Variants in SSBP3 observed in about 807,000 individuals in gnomAD.
SSBP3 encodes the protein single stranded DNA binding protein 3, also known as single-stranded DNA-binding protein 3.
Under a neutral mutation model 69.6 loss-of-function variants are expected in SSBP3, and 5 were observed. The observed-to-expected ratio is 0.07, with a 90% CI of 0.04 to 0.15. SSBP3 has a LOEUF of 0.15. Ranked by LOEUF, SSBP3 falls within the 10% of genes least tolerant of loss-of-function variation. SSBP3 has a pLI of 1.00. For missense variants in SSBP3, 312 were observed against 534.0 expected, an observed-to-expected ratio of 0.58 and a Z score of 4.10; for synonymous variants, 196 against 193.4, an observed-to-expected ratio of 1.01 and a Z score of -0.11.
intron 13 of SSBP3, among the ~76,000 whole-genome samples, chr1:54,240,700 C>A (rs910734576): frequency 1.1e-4 from 16 of 152,082 alleles, no homozygotes; most frequent in African/African-American, 3.6e-4. Context: ...TCTGCTCAGC[C>A]CTGTCCTTTA....
chr1:54,299,401 TA>T (rs879574178), intron 4 of SSBP3, among the ~76,000 whole-genome samples: 3 of 151,936 alleles, frequency 2.0e-5, no homozygotes, highest in Non-Finnish European at 2.9e-5. Flanking sequence ...CCATTTTCAC[TA>T]AAGGGGAAAC....
At chr1:54,273,333 T>TGCGTGCACACAGGCAC (rs1553129211) in intron 5 of SSBP3, among the ~76,000 whole-genome samples, 1 of 152,160 alleles carries the variant, frequency 6.6e-6, no homozygotes, top group African/African-American at 2.4e-5. Flanking sequence ...CACACAGGCA[T>TGCGTGCACACAGGCAC]GCGTGCACAC....
At chr1:54,228,282 G>A (rs1409822313) in exon 17 of SSBP3, 2 of 1,614,020 alleles carry the variant, frequency 1.2e-6, no homozygotes, top group East Asian at 2.2e-5. Flanking sequence ...AGTGGAGGAA[G>A]TTCCCTCCTA....
intron 4 of SSBP3, among the ~76,000 whole-genome samples, chr1:54,389,561 A>G (rs1648336429): frequency 1.3e-5 from 2 of 152,126 alleles, no homozygotes; most frequent in African/African-American, 4.8e-5. Flanking sequence ...ATGAGACAGA[A>G]AAGATGCCAA....
intron 13 of SSBP3, among the ~76,000 whole-genome samples, chr1:54,239,740 G>A (rs572733347): frequency 1.3e-5 from 2 of 152,348 alleles, no homozygotes; most frequent in South Asian, 2.1e-4. Context: ...AAATGCAGCA[G>A]CAGAAAGAGA....
At position 54,258,478 on chromosome 1, in the gene SSBP3, G is replaced by A. The variant is rs1204722464; in HGVS notation, c.367-329C>T. On this transcript the variant is annotated intron_variant, in intron 5 of 17. Transcript: ENST00000610401. This position sits in a 1 kb window ranked among gnomAD's most constrained non-coding sequence, Gnocchi z 4.5. ...GGAGTTTGCCATGTTAAATACGTTGGTTGAGACGGGCTCAGAGGGAGTACA... is the reference window on the plus strand; with the variant it reads ...GGAGTTTGCCATGTTAAATACGTTGATTGAGACGGGCTCAGAGGGAGTACA... Among the ~76,000 whole-genome samples, 2 of 152,218 alleles carry A rather than the reference G, an allele frequency of 1.3e-5. No homozygotes were observed. Among genetic ancestry groups the A allele is most frequent in the African/African-American group, 4.8e-5 (2 of 41,454 alleles).
chr1:54,334,314 T>C (rs1453316717), intron 4 of SSBP3, among the ~76,000 whole-genome samples: 2 of 152,042 alleles, frequency 1.3e-5, no homozygotes, highest in Non-Finnish European at 2.9e-5. Flanking sequence ...ATTGGGCCAC[T>C]GCACTCCAGC....
At chr1:54,225,515 CCTCT>C (rs1230672148) in exon 18 of SSBP3, 11 of 1,027,320 alleles carry the variant, frequency 1.1e-5, no homozygotes, top group African/African-American at 1.7e-5. Flanking sequence ...ACTTTTTTTT[CCTCT>C]CTTAATTCAG....
In SSBP3 at chr1:54,240,858, C is replaced by A; in HGVS notation, c.856+47G>T. 3 of 1,611,910 alleles carry A rather than the reference C, an allele frequency of 1.9e-6. No individual in the cohort carries two copies. The East Asian group carries it at 6.7e-5, about 36-fold the overall frequency. ...CTCCAGGTCTCTCTGGCAACATGCCCCACCCTCCACCACCAGACCCCCCAC... is the reference window on the plus strand; with the variant it reads ...CTCCAGGTCTCTCTGGCAACATGCCACACCCTCCACCACCAGACCCCCCAC... On this transcript the variant is annotated intron_variant, in intron 13 of 17. Coordinates refer to ENST00000610401, the Ensembl canonical transcript of SSBP3.
chr1:54,338,548 CA>C (rs535941304), intron 4 of SSBP3, among the ~76,000 whole-genome samples: 140 of 152,294 alleles, frequency 9.2e-4, no homozygotes, highest in Middle Eastern at 6.8e-3. Context: ...GCCAACTATT[CA>C]GGGTAACTGT....
In SSBP3 at chr1:54,240,894, A is replaced by G; in HGVS notation, c.856+11T>C. ...CACCAGACCCCCCACTTTCCCCTCAAGCGCTCTTACCTGCGGGACTGGGCA... is the reference window on the plus strand; with the variant it reads ...CACCAGACCCCCCACTTTCCCCTCAGGCGCTCTTACCTGCGGGACTGGGCA... On this transcript the variant is annotated intron_variant, in intron 13 of 17. Coordinates refer to ENST00000610401, the Ensembl canonical transcript of SSBP3. 1 of 1,612,678 alleles carries G rather than the reference A, an allele frequency of 6.2e-7. No individual in the cohort carries two copies. The highest frequency in any genetic ancestry group is 8.5e-7 in the Non-Finnish European group (1 of 1,179,198).
intron 4 of SSBP3, among the ~76,000 whole-genome samples, chr1:54,310,786 G>A (rs1645987770): frequency 1.3e-5 from 2 of 152,184 alleles, no homozygotes; most frequent in Admixed American, 6.5e-5. Flanking sequence ...TCCACTTGCT[G>A]GTCTTTTCAA....
At chr1:54,266,098 A>G (rs1645097235) in intron 5 of SSBP3, among the ~76,000 whole-genome samples, 1 of 152,226 alleles carries the variant, frequency 6.6e-6, no homozygotes, top group Non-Finnish European at 1.5e-5. Context: ...TCCTCCACAC[A>G]CTGCTTGCCA....
chr1:54,381,244 G>A (rs1368929742), intron 4 of SSBP3, among the ~76,000 whole-genome samples: 10 of 152,004 alleles, frequency 6.6e-5, no homozygotes, highest in African/African-American at 1.2e-4. Context: ...TTAGCCGGGC[G>A]TGGTGGCGTG....
chr1:54,368,322 A>G (rs1200684324), intron 4 of SSBP3, among the ~76,000 whole-genome samples: 2 of 151,334 alleles, frequency 1.3e-5, no homozygotes, highest in Non-Finnish European at 2.9e-5. Flanking sequence ...AACCTTAATG[A>G]CATGGAGGGA....
chr1:54,387,600 AC>A (rs1409014857), intron 4 of SSBP3, among the ~76,000 whole-genome samples: 1 of 152,158 alleles, frequency 6.6e-6, no homozygotes, highest in East Asian at 1.9e-4. Context: ...TAAAAATCAC[AC>A]CCTTTCTCTT....
At chr1:54,371,120 A>G (rs1389293852) in intron 4 of SSBP3, among the ~76,000 whole-genome samples, 2 of 152,208 alleles carry the variant, frequency 1.3e-5, no homozygotes, top group Non-Finnish European at 1.5e-5. Context: ...AAAGGTCTCC[A>G]AACACCCCAA....
intron 4 of SSBP3, among the ~76,000 whole-genome samples, chr1:54,380,473 G>T (rs186416315): frequency 6.6e-6 from 1 of 152,180 alleles, no homozygotes; most frequent in Non-Finnish European, 1.5e-5. Flanking sequence ...ACGCCGTGCC[G>T]ACACATGCTC....
chr1:54,371,949 C>T (rs1161978811), intron 4 of SSBP3, among the ~76,000 whole-genome samples: 1 of 152,210 alleles, frequency 6.6e-6, no homozygotes, highest in Non-Finnish European at 1.5e-5. Context: ...CACCCGAGAA[C>T]CTCATCCTTT....
Sources: allele counts gnomAD v4.1 joint callset (sites outside exome capture counted in the v4.1 genomes callset), GRCh38; gene constraint gnomAD v4.1.1; non-coding constraint Gnocchi (gnomAD v3.1); transcripts MANE v1.5; gene names NCBI Gene and HGNC (gene_info 2026-07-23, HGNC 2026-07-21).